KLRG1: variants seen among roughly 807,000 people sequenced by gnomAD.
KLRG1 encodes the protein killer cell lectin like receptor G1, also known as killer cell lectin-like receptor subfamily G member 1.
Under a neutral mutation model 21.8 loss-of-function variants are expected in KLRG1, and 16 were observed. That is an observed-to-expected ratio of 0.73 (90% CI 0.50 to 1.11). KLRG1 has a LOEUF of 1.11. KLRG1 is among the 50% of genes most tolerant of loss of function. The probability of loss-of-function intolerance (pLI) is 0.00; values close to 1 mark genes in which losing one functional copy is unlikely to be tolerated. For missense variants in KLRG1, 173 were observed against 218.3 expected, an observed-to-expected ratio of 0.79 and a Z score of 1.31; for synonymous variants, 69 against 75.9, an observed-to-expected ratio of 0.91 and a Z score of 0.47.
At chr12:9,068,193 A>G in the KLRG1 span, 2 of 1,612,566 alleles carry the variant, frequency 1.2e-6, no homozygotes, top group Admixed American at 1.7e-5. Context: ...CTTTGCTGCA[A>G]GGAGCATTGT....
downstream of KLRG1, among the ~76,000 whole-genome samples, chr12:9,011,075 T>C (rs1286143161): frequency 6.6e-6 from 1 of 152,164 alleles, no homozygotes; most frequent in East Asian, 1.9e-4. Context: ...TACTACAGGG[T>C]GCACAATTTC....
the KLRG1 span, among the ~76,000 whole-genome samples, chr12:9,191,483 G>GA: frequency 1.3e-5 from 2 of 151,624 alleles, no homozygotes; most frequent in South Asian, 4.2e-4. Flanking sequence ...TTTCAAAACT[G>GA]AAAAATAAAA....
At chr12:9,053,784 A>G in the KLRG1 span, among the ~76,000 whole-genome samples, 1 of 152,346 alleles carries the variant, frequency 6.6e-6, no homozygotes, top group Middle Eastern at 3.4e-3. Context: ...CTTGAACATT[A>G]TAAAATGCAA....
At chr12:9,083,339 T>C in the KLRG1 span, among the ~76,000 whole-genome samples, 1 of 151,444 alleles carries the variant, frequency 6.6e-6, no homozygotes, top group Non-Finnish European at 1.5e-5. Flanking sequence ...TGTATACATA[T>C]GTAATAAACC....
the KLRG1 span, among the ~76,000 whole-genome samples, chr12:9,047,619 G>A: frequency 6.6e-6 from 1 of 152,060 alleles, no homozygotes; most frequent in Non-Finnish European, 1.5e-5. Flanking sequence ...GACTATTAGA[G>A]TGGATAAGAA....
chr12:8,988,547 GA>G (rs1475572307), upstream of KLRG1: 1 of 151,982 alleles, frequency 6.6e-6, no homozygotes, highest in Non-Finnish European at 1.5e-5. Context: ...CCACTCTTAA[GA>G]GTTTCAATAC....
At chr12:9,162,753 T>TAA in the KLRG1 span, 1 of 911,202 alleles carries the variant, frequency 1.1e-6, no homozygotes, top group Non-Finnish European at 1.7e-6. Context: ...GAATGATGTT[T>TAA]ACCATCCTAC....
At chr12:9,138,933 A>T in the KLRG1 span, among the ~76,000 whole-genome samples, 1 of 147,898 alleles carries the variant, frequency 6.8e-6, no homozygotes, top group African/African-American at 2.5e-5. Context: ...TGTTTTATTT[A>T]TTTCTTCTCT....
chr12:9,154,306 C>T, the KLRG1 span, among the ~76,000 whole-genome samples: 12 of 152,168 alleles, frequency 7.9e-5, no homozygotes, highest in East Asian at 7.7e-4. Flanking sequence ...TGATGTGGCT[C>T]GAAATGTCAA....
At position 9,010,439 on chromosome 12, in the gene KLRG1, G is replaced by A. The variant is rs925939177; in HGVS notation, c.*902G>A. On this transcript the variant is annotated 3_prime_UTR_variant, in exon 5 of 5. Transcript: ENST00000356986. Reference sequence around the variant, plus strand: ...CAATTCGATAAGGCATTTTCATAGAGGAAAGTTTACAGAAACAGTTTATGT... The same window carrying A: ...CAATTCGATAAGGCATTTTCATAGAAGAAAGTTTACAGAAACAGTTTATGT... 1 of 159,164 alleles carries A rather than the reference G, an allele frequency of 6.3e-6. No homozygotes were observed. The highest frequency in any genetic ancestry group is 6.3e-5 in the Admixed American group (1 of 15,836). 9.9% of individuals were successfully genotyped at this position (159,164 alleles called of 1,614,324 possible). A position where few individuals can be genotyped will look rare whatever the true frequency, so the allele number is the denominator to read the frequency against.
At chr12:9,113,487 C>T in the KLRG1 span, 1 of 1,613,910 alleles carries the variant, frequency 6.2e-7, no homozygotes, top group Non-Finnish European at 8.5e-7. Context: ...CAGAAGGACA[C>T]AGCCCTTCTC....
the KLRG1 span, chr12:9,076,818 G>T: frequency 5.0e-6 from 8 of 1,613,840 alleles, no homozygotes; most frequent in Non-Finnish European, 6.8e-6. Flanking sequence ...CTGGTTACCT[G>T]CCAGGGCAAA....
the KLRG1 span, chr12:9,152,800 G>T: frequency 6.2e-7 from 1 of 1,606,458 alleles, no homozygotes; most frequent in Non-Finnish European, 8.5e-7. Context: ...GCCAAAGATA[G>T]GTGATTAGGT....
chr12:9,034,740 C>T, the KLRG1 span, among the ~76,000 whole-genome samples: 1 of 152,202 alleles, frequency 6.6e-6, no homozygotes, highest in Non-Finnish European at 1.5e-5. Flanking sequence ...AGGCACCGTG[C>T]CTGGCCATTA....
At chr12:9,058,954 A>C in the KLRG1 span, 2 of 152,674 alleles carry the variant, frequency 1.3e-5, no homozygotes, top group African/African-American at 4.8e-5. Flanking sequence ...ATAGACTATG[A>C]GATTGAAGAA....
chr12:9,077,618 G>A, the KLRG1 span: 1 of 1,562,848 alleles, frequency 6.4e-7, no homozygotes, highest in African/African-American at 1.4e-5. Context: ...CTTTCCCTTA[G>A]AATTTTTCAC....
chr12:9,129,875 G>A, the KLRG1 span, among the ~76,000 whole-genome samples: 1 of 152,150 alleles, frequency 6.6e-6, no homozygotes, highest in Non-Finnish European at 1.5e-5. Flanking sequence ...CAGTTTAGTA[G>A]TGTAAAGTAT....
At chr12:8,964,681 G>A (rs1946436363) in intron 1 of KLRG1, among the ~76,000 whole-genome samples, 1 of 150,522 alleles carries the variant, frequency 6.6e-6, no homozygotes, top group Admixed American at 6.6e-5. Flanking sequence ...AAGTCTCTTT[G>A]TAGGTCACTA....
At chr12:9,138,129 G>A in the KLRG1 span, among the ~76,000 whole-genome samples, 48 of 151,976 alleles carry the variant, frequency 3.2e-4, no homozygotes, top group South Asian at 6.2e-4. Flanking sequence ...ACTTTTCACC[G>A]TTGAGTCTGA....
Sources: gnomAD v4.1 joint callset for allele counts (sites outside exome capture counted in the v4.1 genomes callset) on GRCh38, gnomAD v4.1.1 for gene constraint, MANE v1.5 for transcripts, NCBI Gene and HGNC (gene_info 2026-07-23, HGNC 2026-07-21) for gene names.